SPON1: variants seen among roughly 807,000 people sequenced by gnomAD.
SPON1 encodes spondin 1.
SPON1 carries 52 observed loss-of-function variants against 111.7 expected under a neutral mutation model. The ratio of observed to expected loss-of-function variants is 0.47; its 90% CI spans 0.37 to 0.59. The LOEUF (loss-of-function observed/expected upper bound fraction) is 0.59, where lower values mean the gene tolerates loss of function less well. SPON1 is among the 20% of genes least tolerant of loss of function. The pLI is 0.00. For synonymous variants in SPON1, 410 were observed against 395.8 expected, an observed-to-expected ratio of 1.04 and a Z score of -0.43; for missense variants, 957 against 1,068.5, an observed-to-expected ratio of 0.90 and a Z score of 1.46.
chr11:14,232,222 C>T (rs1848811322), intron 6 of SPON1, among the ~76,000 whole-genome samples: 1 of 152,028 alleles, frequency 6.6e-6, no homozygotes, highest in Non-Finnish European at 1.5e-5. Context: ...CTCACCCTTC[C>T]CGGCTATATT....
intron 6 of SPON1, among the ~76,000 whole-genome samples, chr11:14,156,690 T>C (rs1234479258): frequency 3.9e-5 from 6 of 152,132 alleles, no homozygotes; most frequent in Non-Finnish European, 5.9e-5. Context: ...AAGGAAGGGA[T>C]CCAGTTTCAG....
chr11:13,977,119 T>C (rs1381430350), intron 1 of SPON1, among the ~76,000 whole-genome samples: 1 of 152,220 alleles, frequency 6.6e-6, no homozygotes, highest in Non-Finnish European at 1.5e-5. Flanking sequence ...GGCATTTGAG[T>C]ATTTCCACTT....
chr11:14,046,253 A>C (rs1374029931), intron 3 of SPON1, among the ~76,000 whole-genome samples: 4 of 152,136 alleles, frequency 2.6e-5, no homozygotes, highest in African/African-American at 9.7e-5. Context: ...AGCCTCAGGT[A>C]CCCCAACCCT....
chr11:14,086,548 C>T (rs561491020), intron 5 of SPON1, among the ~76,000 whole-genome samples: 10 of 152,134 alleles, frequency 6.6e-5, no homozygotes, highest in Admixed American at 2.0e-4. Context: ...TTTGGTTTGC[C>T]GGTATTTTAT....
chr11:14,054,116 C>T (rs962744443), intron 3 of SPON1, among the ~76,000 whole-genome samples: 2 of 152,168 alleles, frequency 1.3e-5, no homozygotes, highest in Non-Finnish European at 2.9e-5. Context: ...TACCACACTC[C>T]CTCCATAATT....
intron 2 of SPON1, among the ~76,000 whole-genome samples, chr11:13,993,141 A>C (rs561865912): frequency 6.6e-6 from 1 of 152,206 alleles, no homozygotes; most frequent in East Asian, 1.9e-4. Context: ...CACAAAATAC[A>C]AACACAACAA....
intron 6 of SPON1, among the ~76,000 whole-genome samples, chr11:14,238,693 C>T (rs1848892092): frequency 6.6e-6 from 1 of 152,148 alleles, no homozygotes; most frequent in Non-Finnish European, 1.5e-5. Flanking sequence ...AGCCCATGGC[C>T]TGTTAGGGGA....
intron 5 of SPON1, among the ~76,000 whole-genome samples, chr11:14,085,482 C>A (rs11525368): frequency 0.39 from 58,834 of 151,718 alleles, 11,954 homozygotes; most frequent in East Asian, 0.56. Flanking sequence ...ATTTCTGAGG[C>A]CTCTGTTCTG....
intron 6 of SPON1, among the ~76,000 whole-genome samples, chr11:14,143,631 G>T (rs1343022241): frequency 6.6e-6 from 1 of 152,092 alleles, no homozygotes; most frequent in Non-Finnish European, 1.5e-5. Flanking sequence ...GCAGTGGATG[G>T]GCAAGAATTA....
At chr11:14,216,573 CA>C (rs1278716523) in intron 6 of SPON1, among the ~76,000 whole-genome samples, 1 of 152,080 alleles carries the variant, frequency 6.6e-6, no homozygotes, top group East Asian at 1.9e-4. Flanking sequence ...CTGGGAATAC[CA>C]AGAGCATGGT....
chr11:14,259,235 C>T lies in SPON1; in HGVS notation c.1493-45C>T, dbSNP rs782378996. 6.6e-7 allele frequency: 1 copy of T among 1,524,858 alleles called. No individual in the cohort carries two copies. Among genetic ancestry groups the T allele is most frequent in the East Asian group, 2.4e-5 (1 of 41,804 alleles). The allele number at this position is 1,524,858 out of a possible 1,614,324, so 94.5% of individuals were successfully genotyped here. ...TCCCACCGCGCAGCCTGGCAGGCGCCCCTGCCACCGTGCACTGCTGCAGCG... is the reference window on the plus strand; with the variant it reads ...TCCCACCGCGCAGCCTGGCAGGCGCTCCTGCCACCGTGCACTGCTGCAGCG... On this transcript the variant is annotated intron_variant, in intron 11 of 15. Coordinates refer to ENST00000576479, the MANE Select transcript of SPON1 (RefSeq NM_006108.4). This position sits in a 1 kb window ranked among gnomAD's most constrained non-coding sequence, Gnocchi z 5.0.
At position 14,262,719 on chromosome 11, in the gene SPON1, CTG is replaced by C. The variant is rs1564944666; in HGVS notation, c.2007_2008del (p.Cys669Ter). 6.2e-7 allele frequency: 1 copy of C among 1,613,906 alleles called. No homozygotes were observed. The highest frequency in any genetic ancestry group is 1.7e-5 in the Admixed American group (1 of 60,022). ...CCATCTGTGTCTTGCCAGCCATTGACTGTGAGCTCACCGAGTGGTCCCAGTGG... is the reference window on the plus strand; with the variant it reads ...CCATCTGTGTCTTGCCAGCCATTGACTGAGCTCACCGAGTGGTCCCAGTGG... The part of the protein sequence containing the change: ...KCMLPECPID[C>X]ELTEWSQWSE... On this transcript the variant is annotated frameshift_variant, in exon 15 of 16. Transcript: ENST00000576479. LOFTEE classifies it high-confidence loss of function.
At chr11:14,123,020 C>T (rs1554926667) in intron 5 of SPON1, among the ~76,000 whole-genome samples, 1 of 149,784 alleles carries the variant, frequency 6.7e-6, no homozygotes, top group African/African-American at 2.5e-5. Flanking sequence ...CAACCTTGAA[C>T]TCCTGGACCA....
chr11:14,099,105 T>TTGGATAA (rs1849124296), intron 5 of SPON1, among the ~76,000 whole-genome samples: 1 of 152,222 alleles, frequency 6.6e-6, no homozygotes, highest in Non-Finnish European at 1.5e-5. Context: ...AATTTCTTCA[T>TTGGATAA]CAGTTATTGG....
intron 2 of SPON1, among the ~76,000 whole-genome samples, chr11:14,007,097 G>T (rs529508427): frequency 6.6e-6 from 1 of 152,188 alleles, no homozygotes; most frequent in African/African-American, 2.4e-5. Flanking sequence ...ATGGTTTCAG[G>T]ATAAAACTGT....
At chr11:14,238,404 G>A (rs1554939391) in intron 6 of SPON1, among the ~76,000 whole-genome samples, 6 of 152,180 alleles carry the variant, frequency 3.9e-5, no homozygotes. Context: ...GAAAGGGGCA[G>A]GGGGATGTGA....
intron 6 of SPON1, among the ~76,000 whole-genome samples, chr11:14,178,349 G>A (rs1372838794): frequency 6.6e-6 from 1 of 151,598 alleles, no homozygotes; most frequent in Non-Finnish European, 1.5e-5. Context: ...GTGAACACAG[G>A]AGGCAGAGCT....
chr11:14,146,574 A>G (rs1847722032), intron 6 of SPON1, among the ~76,000 whole-genome samples: 1 of 152,354 alleles, frequency 6.6e-6, no homozygotes, highest in African/African-American at 2.4e-5. Context: ...TCCCTCAAAA[A>G]TCCCAGATAA....
At chr11:14,235,583 G>C (rs1196265618) in intron 6 of SPON1, among the ~76,000 whole-genome samples, 1 of 150,856 alleles carries the variant, frequency 6.6e-6, no homozygotes, top group African/African-American at 2.4e-5. Flanking sequence ...GTATGCTGAG[G>C]GTAGAAGGAT....
Sources: allele counts gnomAD v4.1 joint callset (sites outside exome capture counted in the v4.1 genomes callset), GRCh38; gene constraint gnomAD v4.1.1; non-coding constraint Gnocchi (gnomAD v3.1); transcripts MANE v1.5; gene names NCBI Gene and HGNC (gene_info 2026-07-23, HGNC 2026-07-21).